The following KALRN variants were observed in gnomAD, a reference collection of about 807,000 sequenced individuals.
KALRN encodes kalirin RhoGEF kinase.
In KALRN, 70 loss-of-function variants were observed where a neutral mutation model predicts 353.7. That is an observed-to-expected ratio of 0.20 (90% confidence interval 0.16 to 0.24). KALRN has a LOEUF of 0.24. KALRN is among the 10% of genes least tolerant of loss of function. The pLI is 1.00. For missense variants in KALRN, 2,791 were observed against 3,756.7 expected (o/e 0.74, Z 6.72); for synonymous variants, 1,391 against 1,434.8 (o/e 0.97, Z 0.69).
intron 2 of KALRN, among the ~76,000 whole-genome samples, chr3:124,229,011 G>C (rs2148505528): frequency 6.6e-6 from 1 of 150,918 alleles, no homozygotes; most frequent in East Asian, 1.9e-4. Flanking sequence ...ACTACATTTA[G>C]GGCCCACCTA....
chr3:124,671,925 C>A, intron 48 of KALRN, 27 bp downstream of exon 48: 1 of 1,490,114 alleles, frequency 6.7e-7, no homozygotes, highest in Non-Finnish European at 9.4e-7. Context: ...TACTCCCACC[C>A]TTGTCACTAC....
At chr3:124,705,889 C>G (rs2062588389) in intron 57 of KALRN, among the ~76,000 whole-genome samples, 1 of 149,052 alleles carries the variant, frequency 6.7e-6, no homozygotes, top group African/African-American at 2.5e-5. Context: ...CTCTCTCTCT[C>G]TTTCTTATTT....
rs2041125512 is a variant in KALRN at position 124,052,382 on chromosome 3, C to T, written c.73+18569C>T. Reference sequence around the variant, plus strand: ...TCTTTTGGATTCCAAGTCTGTGTGCCTAAACATCCTAGATAATGCCTTCAT... The same window carrying T: ...TCTTTTGGATTCCAAGTCTGTGTGCTTAAACATCCTAGATAATGCCTTCAT... On this transcript the variant is annotated intron_variant, in intron 1 of 59. Transcript: ENST00000682506. Among the ~76,000 whole-genome samples the T allele has an allele frequency of 3.9e-5, 6 of 152,120 alleles. No individual in the cohort carries two copies. In the South Asian group the frequency reaches 1.2e-3, roughly 32 times the overall value.
chr3:124,469,848 G>C (rs761017577), intron 25 of KALRN, among the ~76,000 whole-genome samples: 4 of 152,158 alleles, frequency 2.6e-5, no homozygotes, highest in Non-Finnish European at 2.9e-5. Flanking sequence ...AAGTCTGTTT[G>C]CTGACAAGAT....
chr3:124,637,329 C>A, intron 37 of KALRN, 26 bp downstream of exon 37: 1 of 1,513,684 alleles, frequency 6.6e-7, no homozygotes, highest in South Asian at 1.1e-5. Context: ...GGAGGCAGTT[C>A]TGTGTGTGTC....
At chr3:124,276,804 G>A (rs12496156) in intron 5 of KALRN, among the ~76,000 whole-genome samples, 49,076 of 152,078 alleles carry the variant, frequency 0.32, 8,118 homozygotes, top group Admixed American at 0.37. Context: ...ACTGTGTGTG[G>A]TAGGCCAGGT....
intron 1 of KALRN, among the ~76,000 whole-genome samples, chr3:124,077,140 T>G (rs1403783444): frequency 6.6e-6 from 1 of 152,238 alleles, no homozygotes; most frequent in East Asian, 1.9e-4. Context: ...ATTCCACTTC[T>G]TGGTGCTGGT....
At chr3:124,053,897 GA>G (rs1192922105) in intron 1 of KALRN, among the ~76,000 whole-genome samples, 2 of 152,214 alleles carry the variant, frequency 1.3e-5, no homozygotes, top group Non-Finnish European at 2.9e-5. Context: ...ATTCCATTGG[GA>G]TTGATTGCTT....
intron 33 of KALRN, among the ~76,000 whole-genome samples, chr3:124,552,911 G>A (rs1325288746): frequency 3.9e-5 from 6 of 152,156 alleles, no homozygotes; most frequent in Non-Finnish European, 5.9e-5. Context: ...GATTGCAGGC[G>A]CCCGCCACCA....
chr3:124,238,926 A>G (rs1271373426), intron 3 of KALRN, among the ~76,000 whole-genome samples: 3 of 152,200 alleles, frequency 2.0e-5, no homozygotes, highest in African/African-American at 7.2e-5. Flanking sequence ...AGTCATAGGT[A>G]ACAGGGTGGG....
intron 51 of KALRN, among the ~76,000 whole-genome samples, chr3:124,682,265 TC>T (rs2061375309): frequency 6.6e-6 from 1 of 152,216 alleles, no homozygotes; most frequent in African/African-American, 2.4e-5. Context: ...ATTTGGGGCA[TC>T]ATTCCCAGAC....
intron 1 of KALRN, among the ~76,000 whole-genome samples, chr3:124,191,866 C>T (rs986386084): frequency 1.3e-5 from 2 of 152,164 alleles, no homozygotes. Context: ...CCACCACAGC[C>T]AATCTAGATC....
At chr3:124,202,645 G>A (rs2076058082) in intron 1 of KALRN, among the ~76,000 whole-genome samples, 1 of 151,906 alleles carries the variant, frequency 6.6e-6, no homozygotes, top group Admixed American at 6.6e-5. Context: ...ACCTTCTGTG[G>A]GGCTCTCTAT....
chr3:124,649,498 A>G (rs2669917), intron 37 of KALRN, among the ~76,000 whole-genome samples: 95,558 of 151,994 alleles, frequency 0.63, 30,597 homozygotes, highest in East Asian at 0.91. Context: ...TTAGGGCCAG[A>G]CACGCTGTCT....
At position 124,698,237 on chromosome 3, in the gene KALRN, A is replaced by G. The variant is rs559957439; in HGVS notation, c.7831+513A>G. Among the ~76,000 whole-genome samples the G allele has an allele frequency of 9.8e-5, 15 of 152,326 alleles. No homozygotes were observed. The East Asian group carries it at 1.2e-3, about 12-fold the overall frequency. ...ACAGTCCACTTGCCTCAGCCTCCGG[A>G]AGTGCTGGGATTACAGGCGTAAGCC... On this transcript the variant is annotated intron_variant, in intron 55 of 59. Coordinates refer to ENST00000682506, the MANE Select transcript of KALRN (RefSeq NM_001388419.1).
intron 10 of KALRN, among the ~76,000 whole-genome samples, chr3:124,366,463 T>G (rs1328266201): frequency 6.7e-6 from 1 of 149,666 alleles, no homozygotes; most frequent in Non-Finnish European, 1.5e-5. Context: ...TGCACCACCC[T>G]TAATCCATTT....
rs768806315 is a variant in KALRN, at chr3:124,696,168, C to G, written c.7612C>G (p.Leu2538Val). ...SGEITLKICNLMPQDSGIYTC... is the reference protein window; with the variant it reads ...SGEITLKICNVMPQDSGIYTC... The stretch of plus-strand genomic sequence containing the variant: ...AGAAATCACCCTGAAGATCTGTAAT[C>G]TGATGCCCCAAGACAGTGGGATTTA... The change falls in exon 54 of 60, where the codon CTG becomes GTG. Residue 2538 changes from leucine (L) to valine (V), a missense_variant. Leu to Val is a conservative substitution (Grantham distance 32). This residue lies in a region of KALRN where 1,065 missense variants were observed against 1,156.4 expected (regional missense o/e 0.92). Transcript: ENST00000682506. The G allele has an allele frequency of 2.5e-6, 4 of 1,613,954 alleles. No homozygotes were observed. In the South Asian group the frequency reaches 4.4e-5, roughly 18 times the overall value.
intron 27 of KALRN, among the ~76,000 whole-genome samples, chr3:124,479,224 G>A (rs1023735778): frequency 1.3e-5 from 2 of 152,134 alleles, no homozygotes; most frequent in African/African-American, 2.4e-5. Flanking sequence ...TGATAAGTCA[G>A]ATATATCCCC....
chr3:124,315,639 C>T (rs926048443), intron 6 of KALRN, among the ~76,000 whole-genome samples: 9 of 151,972 alleles, frequency 5.9e-5, no homozygotes, highest in African/African-American at 2.2e-4. Flanking sequence ...TCGGTGTTTG[C>T]CCCCGAGACC....
Sources: allele counts gnomAD v4.1 joint callset (sites outside exome capture counted in the v4.1 genomes callset), GRCh38; gene constraint gnomAD v4.1.1; regional missense constraint gnomAD v4.1.1; transcripts MANE v1.5; gene names NCBI Gene and HGNC (gene_info 2026-07-23, HGNC 2026-07-21).